Variants in SOBP observed in about 807,000 individuals in gnomAD.
SOBP encodes the protein sine oculis-binding protein homolog.
SOBP carries 4 observed loss-of-function variants against 53.6 expected under a neutral mutation model. The observed-to-expected ratio is 0.07, with a 90% CI of 0.04 to 0.17. SOBP has a LOEUF of 0.17. Ranked by LOEUF, SOBP falls within the 10% of genes least tolerant of loss-of-function variation. The pLI, the probability that SOBP is intolerant of heterozygous loss-of-function variation, is 1.00. For missense variants in SOBP, 1,088 were observed against 1,204.7 expected, an observed-to-expected ratio of 0.90 and a Z score of 1.43; for synonymous variants, 584 against 522.6, an observed-to-expected ratio of 1.12 and a Z score of -1.60.
intron 5 of SOBP, among the ~76,000 whole-genome samples, chr6:107,596,898 G>T (rs991482067): frequency 6.6e-6 from 1 of 152,210 alleles, no homozygotes; most frequent in East Asian, 1.9e-4. Context: ...GTATATGTAG[G>T]TATATTATCC....
chr6:107,620,574 A>G (rs955246623), intron 5 of SOBP, among the ~76,000 whole-genome samples: 1 of 152,132 alleles, frequency 6.6e-6, no homozygotes. Flanking sequence ...CTCTGTTCTG[A>G]TACAGAAGTA....
At chr6:107,531,008 G>A (rs1038481605) in intron 3 of SOBP, among the ~76,000 whole-genome samples, 7 of 152,212 alleles carry the variant, frequency 4.6e-5, no homozygotes, top group Non-Finnish European at 7.3e-5. Flanking sequence ...GAAAGACCCC[G>A]GAGCTGCCCT....
intron 6 of SOBP, among the ~76,000 whole-genome samples, chr6:107,650,313 G>A (rs548909764): frequency 8.5e-5 from 13 of 152,300 alleles, no homozygotes; most frequent in Admixed American, 2.6e-4. Flanking sequence ...TCCTTACCAT[G>A]AGCTATAGAC....
chr6:107,656,347 A>AAGAAAG (rs1772060429), intron 6 of SOBP, among the ~76,000 whole-genome samples: 2 of 39,256 alleles, frequency 5.1e-5, no homozygotes, highest in Non-Finnish European at 1.1e-4. Flanking sequence ...AAGAAAGAGA[A>AAGAAAG]AGAAAGAAAG....
At chr6:107,627,232 T>C in intron 5 of SOBP, among the ~76,000 whole-genome samples, 1 of 152,168 alleles carries the variant, frequency 6.6e-6, no homozygotes, top group East Asian at 1.9e-4. Flanking sequence ...AATCATGTGT[T>C]TGGCTGTCAG....
intron 1 of SOBP, among the ~76,000 whole-genome samples, chr6:107,496,806 T>C (rs1398612709): frequency 6.6e-6 from 1 of 152,198 alleles, no homozygotes; most frequent in Non-Finnish European, 1.5e-5. Flanking sequence ...TTGGATCCAG[T>C]GGGATCATGA....
chr6:107,513,633 T>C (rs1783233622), intron 3 of SOBP, among the ~76,000 whole-genome samples: 1 of 152,034 alleles, frequency 6.6e-6, no homozygotes, highest in African/African-American at 2.4e-5. Context: ...TTTATTTATT[T>C]GTCCAACTTT....
Position 107,635,517 on chromosome 6 carries a change from C to T in SOBP, c.*3+48C>T. 6.2e-7 allele frequency: 1 copy of T among 1,606,946 alleles called. No homozygotes were observed. The highest frequency in any genetic ancestry group is 8.5e-7 in the Non-Finnish European group (1 of 1,178,070). ...CCTCCACACCAGCCAGTGCACCTCT[C>T]CTTACTTCTGACAAGGCAGAGGGGA... On this transcript the variant is annotated intron_variant, in intron 6 of 6. Transcript: ENST00000317357. This position sits in a 1 kb window ranked among gnomAD's most constrained non-coding sequence, Gnocchi z 4.5.
rs189113873 is a variant in SOBP, at chr6:107,636,152, G to A, written c.*3+683G>A. On this transcript the variant is annotated intron_variant, in intron 6 of 6. Coordinates refer to ENST00000317357, the MANE Select transcript of SOBP (RefSeq NM_018013.4). ...GCATCCCCCAGGGTAGGCCTCAAGC[G>A]TCACTGACCAGCTTTGCTCTCTCCC... 24 of 160,828 alleles carry A rather than the reference G, an allele frequency of 1.5e-4. 1 individual carries two copies. Among genetic ancestry groups the A allele is most frequent in the Admixed American group, 8.0e-4 (14 of 17,492 alleles). 10.0% of individuals were successfully genotyped at this position (160,828 alleles called of 1,614,324 possible).
intron 4 of SOBP, among the ~76,000 whole-genome samples, chr6:107,560,029 C>G (rs1014555074): frequency 6.6e-6 from 1 of 152,038 alleles, no homozygotes; most frequent in African/African-American, 2.4e-5. Context: ...AGAGGGAGCC[C>G]AGAAAAAGAC....
rs1303224004 is a variant in SOBP at position 107,634,161 on chromosome 6, T to TGGCCCCAGAAACCTG, written c.1325_1339dup (p.Arg442_Pro446dup). ...TTCCCGGCATCGGGCCCCCGCCCGG[T>TGGCCCCAGAAACCTG]GGCCCCAGAAACCTGGGCCCCACTT... On this transcript the variant is annotated inframe_insertion, in exon 6 of 7. Coordinates refer to ENST00000317357, the MANE Select transcript of SOBP (RefSeq NM_018013.4). The surrounding 1 kb of genome is among the most constrained non-coding windows in gnomAD (Gnocchi z 4.5). 6.2e-7 allele frequency: 1 copy of TGGCCCCAGAAACCTG among 1,610,864 alleles called. No individual in the cohort carries two copies. The highest frequency in any genetic ancestry group is 1.3e-5 in the African/African-American group (1 of 74,836).
At chr6:107,493,445 G>A (rs1782626566) in intron 1 of SOBP, among the ~76,000 whole-genome samples, 1 of 152,218 alleles carries the variant, frequency 6.6e-6, no homozygotes, top group Non-Finnish European at 1.5e-5. Flanking sequence ...AGAAGAGAGA[G>A]CAAATGGAAA....
chr6:107,624,890 T>C (rs984841086), intron 5 of SOBP, among the ~76,000 whole-genome samples: 4 of 152,208 alleles, frequency 2.6e-5, no homozygotes, highest in Non-Finnish European at 4.4e-5. Context: ...CAGAAAGTTA[T>C]TGTCAAATAT....
At chr6:107,540,206 G>A (rs901307942) in intron 4 of SOBP, among the ~76,000 whole-genome samples, 1 of 152,322 alleles carries the variant, frequency 6.6e-6, no homozygotes, top group African/African-American at 2.4e-5. Context: ...TAGTATAGTC[G>A]AGAGGCCCCA....
rs556611311 is a variant in SOBP at position 107,527,453 on chromosome 6, G to T, written c.422-6006G>T. Reference sequence around the variant, plus strand: ...GTTTTACAGATGTCATCCACAGGAGGGGATGTGATTGGAGAGACTGGTGCC... The same window carrying T: ...GTTTTACAGATGTCATCCACAGGAGTGGATGTGATTGGAGAGACTGGTGCC... On this transcript the variant is annotated intron_variant, in intron 3 of 6. Transcript: ENST00000317357. Among the ~76,000 whole-genome samples, 11 of 152,322 alleles carry T rather than the reference G, an allele frequency of 7.2e-5. 2 individuals carry two copies. The highest frequency in any genetic ancestry group is 2.4e-4 in the African/African-American group (10 of 41,570).
intron 4 of SOBP, among the ~76,000 whole-genome samples, chr6:107,582,395 C>G (rs111916106): frequency 6.6e-6 from 1 of 151,892 alleles, no homozygotes; most frequent in African/African-American, 2.4e-5. Flanking sequence ...TTGTTTAAAC[C>G]AGAGGTTTTT....
chr6:107,516,727 A>G (rs1305613114), intron 3 of SOBP, among the ~76,000 whole-genome samples: 2 of 152,208 alleles, frequency 1.3e-5, no homozygotes, highest in Admixed American at 6.6e-5. Flanking sequence ...TATTCCAGCC[A>G]TAAAAATTTC....
At chr6:107,543,800 G>T (rs1328450496) in intron 4 of SOBP, among the ~76,000 whole-genome samples, 2 of 152,152 alleles carry the variant, frequency 1.3e-5, no homozygotes, top group Non-Finnish European at 2.9e-5. Flanking sequence ...TCATCATAGG[G>T]TCCTTAGATG....
chr6:107,558,670 T>C (rs1228731100), intron 4 of SOBP, among the ~76,000 whole-genome samples: 1 of 150,992 alleles, frequency 6.6e-6, no homozygotes, highest in East Asian at 1.9e-4. Flanking sequence ...GGTAAATTAA[T>C]AAAATATAAT....
Sources: allele counts gnomAD v4.1 joint callset (sites outside exome capture counted in the v4.1 genomes callset), GRCh38; gene constraint gnomAD v4.1.1; non-coding constraint Gnocchi (gnomAD v3.1); transcripts MANE v1.5; gene names NCBI Gene and HGNC (gene_info 2026-07-23, HGNC 2026-07-21).